The following GABRA2 variants were observed in gnomAD, a reference collection of about 807,000 sequenced individuals.
GABRA2 encodes gamma-aminobutyric acid receptor subunit alpha-2.
In GABRA2, 16 loss-of-function variants were observed where a neutral mutation model predicts 48.7. That is an observed-to-expected ratio of 0.33 (90% CI 0.22 to 0.50). The LOEUF (loss-of-function observed/expected upper bound fraction) is 0.50. Among genes scored for constraint, GABRA2 ranks in the 20% least tolerant of loss-of-function variants. The pLI is 0.98. For synonymous variants in GABRA2, 185 were observed against 184.5 expected (o/e 1.00, Z -0.02); for missense variants, 275 against 535.6 (o/e 0.51, Z 4.80).
At chr4:46,341,378 C>G (rs982576831) in intron 3 of GABRA2, among the ~76,000 whole-genome samples, 1 of 151,926 alleles carries the variant, frequency 6.6e-6, no homozygotes, top group Non-Finnish European at 1.5e-5. Flanking sequence ...TCCTTCCACT[C>G]TTCAAGGTGT....
At chr4:46,256,180 A>C (rs1165538664) in intron 9 of GABRA2, 7 of 628,334 alleles carry the variant, frequency 1.1e-5, no homozygotes, top group East Asian at 2.8e-5. Flanking sequence ...CCTGACTGAG[A>C]AAAGTGATAC....
chr4:46,262,876 G>A (rs114044470), intron 8 of GABRA2, among the ~76,000 whole-genome samples: 5,479 of 150,670 alleles, frequency 0.036, 134 homozygotes, highest in Middle Eastern at 0.062. Flanking sequence ...CAGCCTGGGC[G>A]ACAGAGCAAA....
chr4:46,262,659 G>A (rs775716741), intron 8 of GABRA2, among the ~76,000 whole-genome samples: 6 of 152,056 alleles, frequency 3.9e-5, no homozygotes, highest in Admixed American at 2.0e-4. Context: ...CAGCACTTTC[G>A]GAAGCCGAAG....
At chr4:46,305,748 G>GT (rs780177672) in intron 6 of GABRA2, 37 bp from the exon 7 acceptor site, 42 of 1,490,352 alleles carry the variant, frequency 2.8e-5, no homozygotes, top group Non-Finnish European at 3.4e-5. Flanking sequence ...AAGCATTTTA[G>GT]TAAGAACCAT....
chr4:46,311,060 C>A (rs572438060), intron 5 of GABRA2, among the ~76,000 whole-genome samples: 9 of 152,200 alleles, frequency 5.9e-5, no homozygotes, highest in Non-Finnish European at 1.3e-4. Flanking sequence ...TTAAATAGAA[C>A]CTTAGACAAT....
chr4:46,292,182 A>C (rs1723795782), intron 8 of GABRA2, among the ~76,000 whole-genome samples: 3 of 152,164 alleles, frequency 2.0e-5, no homozygotes, highest in Admixed American at 1.3e-4. Flanking sequence ...TCCTAAGTTC[A>C]CTGGACAAAG....
intron 3 of GABRA2, among the ~76,000 whole-genome samples, chr4:46,379,706 T>G (rs1228436271): frequency 6.6e-6 from 1 of 152,194 alleles, no homozygotes; most frequent in Non-Finnish European, 1.5e-5. Context: ...CTCAGCTGCC[T>G]CATGCTTCTG....
At chr4:46,274,166 C>A (rs1720039808) in intron 8 of GABRA2, among the ~76,000 whole-genome samples, 1 of 151,950 alleles carries the variant, frequency 6.6e-6, no homozygotes, top group Non-Finnish European at 1.5e-5. Context: ...ATATAACAAC[C>A]ATGTAAGTAA....
At chr4:46,363,980 T>G (rs1039127381) in intron 3 of GABRA2, 1 of 152,170 alleles carries the variant, frequency 6.6e-6, no homozygotes, top group African/African-American at 2.4e-5. Flanking sequence ...AAAATAAAAT[T>G]GCTTTTTCTC....
At chr4:46,327,536 C>T (rs1301827963) in intron 4 of GABRA2, among the ~76,000 whole-genome samples, 1 of 151,902 alleles carries the variant, frequency 6.6e-6, no homozygotes, top group East Asian at 1.9e-4. Context: ...AAGGGTTTGC[C>T]ATGTTTGTCA....
chr4:46,326,964 A>G (rs186089908), intron 4 of GABRA2, among the ~76,000 whole-genome samples: 2 of 151,928 alleles, frequency 1.3e-5, no homozygotes, highest in African/African-American at 4.8e-5. Context: ...TTCTTCTTCC[A>G]CCCTTATATC....
chr4:46,255,710 T>C (rs1715680349), intron 9 of GABRA2, among the ~76,000 whole-genome samples: 1 of 151,570 alleles, frequency 6.6e-6, no homozygotes. Context: ...TGTATTACTT[T>C]ATTGAAGTCT....
chr4:46,348,856 C>T (rs1484693740), intron 3 of GABRA2, among the ~76,000 whole-genome samples: 6 of 151,640 alleles, frequency 4.0e-5, no homozygotes, highest in African/African-American at 1.2e-4. Flanking sequence ...GGCACACCAA[C>T]ATGGCACATG....
intron 3 of GABRA2, among the ~76,000 whole-genome samples, chr4:46,382,294 T>A (rs941421580): frequency 1.3e-5 from 2 of 151,882 alleles, no homozygotes; most frequent in Non-Finnish European, 2.9e-5. Context: ...GGAGTTTCAT[T>A]AAGTTGGTCA....
intron 3 of GABRA2, among the ~76,000 whole-genome samples, chr4:46,370,881 C>T (rs1033327737): frequency 3.3e-5 from 5 of 151,656 alleles, no homozygotes; most frequent in African/African-American, 7.3e-5. Flanking sequence ...ACTCTATTTG[C>T]CTTGAAACAA....
At chr4:46,304,132 T>G (rs1726222879) in intron 7 of GABRA2, among the ~76,000 whole-genome samples, 1 of 152,210 alleles carries the variant, frequency 6.6e-6, no homozygotes, top group Admixed American at 6.5e-5. Context: ...GAATTCAGAA[T>G]TCATAAATGC....
intron 3 of GABRA2, among the ~76,000 whole-genome samples, chr4:46,371,925 T>C (rs62304125): frequency 0.049 from 7,460 of 152,254 alleles, 221 homozygotes; most frequent in South Asian, 0.097. Context: ...TAGGACATGG[T>C]AGCCTGAGCT....
At chr4:46,296,441 C>A (rs945282726) in intron 8 of GABRA2, among the ~76,000 whole-genome samples, 1 of 152,020 alleles carries the variant, frequency 6.6e-6, no homozygotes, top group Non-Finnish European at 1.5e-5. Flanking sequence ...AAGGGAGGTA[C>A]ATTATTGGCT....
rs564463442 is a variant in GABRA2, at chr4:46,245,962, A to T, written c.*4346T>A. Among the ~76,000 whole-genome samples, 1 of 151,346 alleles carries T rather than the reference A, an allele frequency of 6.6e-6. No individual in the cohort carries two copies. The highest frequency in any genetic ancestry group is 2.0e-4 in the East Asian group (1 of 5,120). ...AACAAGATGGAAGACACAGTGGTCT[A>T]GATATGTTGATAATTAAGAATTTTA... is the stretch of plus-strand genomic sequence containing the variant. On this transcript the variant is annotated 3_prime_UTR_variant, in exon 10 of 10. Coordinates refer to ENST00000381620, the MANE Select transcript of GABRA2 (RefSeq NM_000807.4).
Sources: allele counts gnomAD v4.1 joint callset (sites outside exome capture counted in the v4.1 genomes callset), GRCh38; gene constraint gnomAD v4.1.1; transcripts MANE v1.5; gene names NCBI Gene and HGNC (gene_info 2026-07-23, HGNC 2026-07-21).